Variants in CEP63 observed in about 807,000 individuals in gnomAD.
The protein encoded by CEP63 is centrosomal protein 63.
In CEP63, 84 loss-of-function variants were observed where a neutral mutation model predicts 89.1. The observed-to-expected ratio is 0.94, with a 90% confidence interval of 0.79 to 1.13. The LOEUF is 1.13. Among genes scored for constraint, CEP63 ranks in the 50% most tolerant of loss-of-function variants. The pLI, the probability that CEP63 is intolerant of heterozygous loss-of-function variation, is 0.00. For synonymous variants in CEP63, 267 were observed against 272.5 expected (o/e 0.98, Z 0.20); for missense variants, 838 against 813.3 (o/e 1.03, Z -0.37).
chr3:134,644,011 G>A, the CEP63 span, among the ~76,000 whole-genome samples: 6 of 152,082 alleles, frequency 3.9e-5, no homozygotes, highest in African/African-American at 1.4e-4. Context: ...ATTTTTAGTA[G>A]AGACGGGGTT....
chr3:134,559,924 C>G (rs546663700), intron 14 of CEP63, among the ~76,000 whole-genome samples: 17 of 152,342 alleles, frequency 1.1e-4, no homozygotes, highest in African/African-American at 4.1e-4. Context: ...CGGTCCCTTG[C>G]TCCTTCCATT....
chr3:134,628,611 C>A, the CEP63 span, among the ~76,000 whole-genome samples: 1 of 152,134 alleles, frequency 6.6e-6, no homozygotes, highest in African/African-American at 2.4e-5. Flanking sequence ...CATTTTTTTC[C>A]CACCTACCTT....
At chr3:134,577,431 C>CAT (rs774150066), downstream of CEP63, among the ~76,000 whole-genome samples, 1 of 86,328 alleles carries the variant, frequency 1.2e-5, no homozygotes, top group African/African-American at 4.7e-5. Context: ...TTCTAATCCA[C>CAT]TTTTTTTTTT....
chr3:134,694,673 G>GC, the CEP63 span, among the ~76,000 whole-genome samples: 1 of 152,192 alleles, frequency 6.6e-6, no homozygotes, highest in Non-Finnish European at 1.5e-5. Context: ...TTCTCACAGA[G>GC]CCCTTTTCAA....
the CEP63 span, among the ~76,000 whole-genome samples, chr3:134,679,571 T>C: frequency 3.3e-5 from 5 of 152,234 alleles, no homozygotes; most frequent in Non-Finnish European, 5.9e-5. Flanking sequence ...TAAACTATTA[T>C]GGACTGGCTT....
At chr3:134,651,130 C>T in the CEP63 span, 1 of 1,492,966 alleles carries the variant, frequency 6.7e-7, no homozygotes, top group African/African-American at 1.4e-5. Flanking sequence ...CTCTGCCAAA[C>T]ACGCCATTAG....
chr3:134,707,042 T>A, the CEP63 span, among the ~76,000 whole-genome samples: 9 of 152,156 alleles, frequency 5.9e-5, no homozygotes, highest in Non-Finnish European at 1.5e-5. Context: ...AAAGTCACAA[T>A]AACAGGTACT....
chr3:134,584,907 G>A (rs1958445554), intron 10 of CEP63, among the ~76,000 whole-genome samples: 1 of 147,350 alleles, frequency 6.8e-6, no homozygotes, highest in South Asian at 2.1e-4. Context: ...TTAGTCTTGG[G>A]AGGGTGTATG....
chr3:134,604,339 A>G, the CEP63 span: 14 of 1,614,004 alleles, frequency 8.7e-6, no homozygotes, highest in Admixed American at 1.7e-5. Context: ...GTGAGTGCCC[A>G]TGGTTGGAGG....
At chr3:134,580,194 CAAA>C (rs58009929) in intron 10 of CEP63, among the ~76,000 whole-genome samples, 4 of 112,152 alleles carry the variant, frequency 3.6e-5, no homozygotes, top group Non-Finnish European at 3.8e-5. Flanking sequence ...GACTCCACCT[CAAA>C]AAAAAAAAAA....
In CEP63 at chr3:134,532,786, A is replaced by C; in HGVS notation, c.327A>C (p.Ile109=). Residue 109 remains isoleucine (I), a synonymous_variant, in exon 5 of 15, where the codon ATA becomes ATC. Coordinates refer to ENST00000675561, the MANE Select transcript of CEP63 (RefSeq NM_001353108.3). Reference sequence around the variant, plus strand: ...AATAACTGTTTCTACAGTTATGCATACTGAAGAGAAGCTATGAAAAGCTTC... The same window carrying C: ...AATAACTGTTTCTACAGTTATGCATCCTGAAGAGAAGCTATGAAAAGCTTC... ...ELKKLHEELC[I]LKRSYEKLQK... is the part of the protein sequence containing the mutation. 1 of 1,602,284 alleles carries C rather than the reference A, an allele frequency of 6.2e-7. No homozygotes were observed. Among genetic ancestry groups the C allele is most frequent in the Non-Finnish European group, 8.5e-7 (1 of 1,169,870 alleles).
chr3:134,736,764 G>T, the CEP63 span, among the ~76,000 whole-genome samples: 10 of 152,240 alleles, frequency 6.6e-5, no homozygotes, highest in East Asian at 7.7e-4. Context: ...TCTTTATGGG[G>T]TTAACTTTGG....
the CEP63 span, among the ~76,000 whole-genome samples, chr3:134,614,883 C>A: frequency 3.9e-5 from 6 of 152,196 alleles, no homozygotes; most frequent in Admixed American, 3.9e-4. Flanking sequence ...GTAGACTTTC[C>A]CAAATCTGAT....
At chr3:134,702,097 A>G in the CEP63 span, among the ~76,000 whole-genome samples, 1 of 152,324 alleles carries the variant, frequency 6.6e-6, no homozygotes, top group Admixed American at 6.5e-5. Context: ...CAAATCACGA[A>G]TGAACTTCCA....
At chr3:134,665,664 C>CAA in the CEP63 span, among the ~76,000 whole-genome samples, 2 of 30,130 alleles carry the variant, frequency 6.6e-5, no homozygotes, top group Non-Finnish European at 1.6e-4. Flanking sequence ...CACACACACA[C>CAA]ACACACACAC....
intron 10 of CEP63, among the ~76,000 whole-genome samples, chr3:134,584,956 G>GTTTTTTTTTTTGTTTTTTTTTTTTTTTT (rs1553799204): frequency 5.6e-5 from 2 of 36,036 alleles, no homozygotes; most frequent in African/African-American, 1.7e-4. Context: ...ATTTTCTAGG[G>GTTTTTTTTTTTGTTTTTTTTTTTTTTTT]TTTTTTTTTT....
chr3:134,599,701 G>T, the CEP63 span, among the ~76,000 whole-genome samples: 1 of 152,130 alleles, frequency 6.6e-6, no homozygotes, highest in African/African-American at 2.4e-5. Context: ...GTTCTTCAAA[G>T]GCATGTGAAC....
the CEP63 span, among the ~76,000 whole-genome samples, chr3:134,617,260 T>C: frequency 2.6e-5 from 4 of 152,342 alleles, no homozygotes; most frequent in South Asian, 8.3e-4. Context: ...AATAATCATG[T>C]TCTGAAAGAT....
chr3:134,752,012 C>T, the CEP63 span, among the ~76,000 whole-genome samples: 1 of 152,152 alleles, frequency 6.6e-6, no homozygotes, highest in African/African-American at 2.4e-5. Flanking sequence ...CCTCACTACT[C>T]CCCTGGGCCT....
Sources: gnomAD v4.1 joint callset for allele counts (sites outside exome capture counted in the v4.1 genomes callset) on GRCh38, gnomAD v4.1.1 for gene constraint, MANE v1.5 for transcripts, NCBI Gene and HGNC (gene_info 2026-07-23, HGNC 2026-07-21) for gene names.